The following SERPINA4 variants were observed in gnomAD, a reference collection of about 807,000 sequenced individuals.
SERPINA4 encodes the protein serpin family A member 4, also known as kallistatin.
In SERPINA4, 24 loss-of-function variants were observed where a neutral mutation model predicts 25.4. The ratio of observed to expected loss-of-function variants is 0.95; its 90% confidence interval spans 0.69 to 1.33. SERPINA4 has a LOEUF of 1.33. Ranked by LOEUF, SERPINA4 falls within the 40% of genes most tolerant of loss-of-function variation. SERPINA4 has a pLI of 0.00. For missense variants in SERPINA4, 553 were observed against 535.8 expected (o/e 1.03, Z -0.32); for synonymous variants, 242 against 223.6 (o/e 1.08, Z -0.73).
chr14:94,561,931 C>T (rs1453935441), intron 1 of SERPINA4: 2 of 1,255,118 alleles, frequency 1.6e-6, no homozygotes, highest in African/African-American at 3.1e-5. Context: ...GACTAGGAAG[C>T]TTTCTGCAAG....
chr14:94,562,848 T>C (rs2139899876), intron 1 of SERPINA4, among the ~76,000 whole-genome samples: 1 of 152,294 alleles, frequency 6.6e-6, no homozygotes, highest in Non-Finnish European at 1.5e-5. Flanking sequence ...AGGTCACTTA[T>C]TAAACATCCA....
At position 94,568,123 on chromosome 14, in the gene SERPINA4, T is replaced by C. The variant is rs1205488485; in HGVS notation, c.924-6T>C. 6.2e-7 allele frequency: 1 copy of C among 1,614,036 alleles called. No homozygotes were observed. Among genetic ancestry groups the C allele is most frequent in the Admixed American group, 1.7e-5 (1 of 60,002 alleles). On this transcript the variant is annotated splice_region_variant and splice_polypyrimidine_tract_variant and intron_variant, in intron 3 of 4. Coordinates refer to ENST00000557004, the MANE Select transcript of SERPINA4 (RefSeq NM_006215.4). Reference sequence around the variant, plus strand: ...ATCTAATGTTCTAACTCAATGCCCCTTTCAGGAATTTTTACAAGAAGCTAG... The same window carrying C: ...ATCTAATGTTCTAACTCAATGCCCCCTTCAGGAATTTTTACAAGAAGCTAG...
chr14:94,562,011 T>A (rs1217123405), intron 1 of SERPINA4, among the ~76,000 whole-genome samples: 1 of 152,118 alleles, frequency 6.6e-6, no homozygotes, highest in Non-Finnish European at 1.5e-5. Context: ...GAGCTAAGAA[T>A]GCAAGATGTA....
At chr14:94,566,890 C>T (rs1215553636) in intron 2 of SERPINA4, 80 bp from the exon 3 acceptor site, 5 of 1,494,286 alleles carry the variant, frequency 3.3e-6, no homozygotes, top group Non-Finnish European at 4.5e-6. Context: ...TAGCTCAGAA[C>T]ACCAGATGGC....
In SERPINA4 at chr14:94,566,955, T is replaced by C; in HGVS notation, c.650-15T>C. The C allele has an allele frequency of 1.2e-6, 2 of 1,605,866 alleles. No homozygotes were observed. Among genetic ancestry groups the C allele is most frequent in the Non-Finnish European group, 1.7e-6 (2 of 1,174,972 alleles). ...CCTGCAGATGTCCTGTACCTTCTTT[T>C]CATCTTCCCTTCAGCCCTGTGGGAG... On this transcript the variant is annotated splice_polypyrimidine_tract_variant and intron_variant, in intron 2 of 4. Coordinates refer to ENST00000557004, the MANE Select transcript of SERPINA4 (RefSeq NM_006215.4).
In SERPINA4 at chr14:94,567,236, C is replaced by T. The variant is rs143608450; in HGVS notation, c.916C>T (p.Arg306Trp). 63 of 1,612,678 alleles carry T rather than the reference C, an allele frequency of 3.9e-5. No individual in the cohort carries two copies. The East Asian group carries it at 9.8e-4, about 25-fold the overall frequency. Residue 306 changes from arginine to tryptophan, a missense_variant, in exon 3 of 5, where the codon CGG (arginine) becomes TGG (tryptophan). Arg to Trp is a moderately radical substitution (Grantham distance 101). Coordinates refer to ENST00000557004, the MANE Select transcript of SERPINA4 (RefSeq NM_006215.4). ...EMLMRWNNLLRKRNFYKKLEL... is the reference protein window; with the variant it reads ...EMLMRWNNLLWKRNFYKKLEL... ...GCTAATGAGGTGGAACAACTTGTTG[C>T]GGAAGAGGTAATCAGTGTGCTATGG...
chr14:94,561,858 G>A (rs1464485995), intron 1 of SERPINA4: 1 of 1,289,686 alleles, frequency 7.8e-7, no homozygotes, highest in African/African-American at 1.5e-5. Flanking sequence ...TGTGAGTGAT[G>A]CGGTCCTATG....
At chr14:94,567,309 G>A in intron 3 of SERPINA4, 66 bp downstream of exon 3, 1 of 1,514,378 alleles carries the variant, frequency 6.6e-7, no homozygotes, top group Non-Finnish European at 8.9e-7. Flanking sequence ...TCTAATGAAA[G>A]ACAGTGCCCC....
rs572076201 is a variant in SERPINA4 at position 94,569,882 on chromosome 14, C to A, written c.*287C>A. ...CCTTTTCACAACAGGCTGGTTGTAC[C>A]GAGTAAACAACACGATGCCATGAAG... On this transcript the variant is annotated 3_prime_UTR_variant, in exon 5 of 5. Transcript: ENST00000557004. 1 of 473,750 alleles carries A rather than the reference C, an allele frequency of 2.1e-6. No individual in the cohort carries two copies. The highest frequency in any genetic ancestry group is 3.8e-6 in the Non-Finnish European group (1 of 259,748). The allele number at this position is 473,750 out of a possible 1,614,324, so 29.3% of individuals were successfully genotyped here. A position where few individuals can be genotyped will look rare whatever the true frequency, so the allele number is the denominator to read the frequency against.
chr14:94,563,099 G>T (rs1259889465), intron 1 of SERPINA4, among the ~76,000 whole-genome samples: 1 of 152,220 alleles, frequency 6.6e-6, no homozygotes, highest in Non-Finnish European at 1.5e-5. Flanking sequence ...TGAGTCTGGG[G>T]ATGTGGGTTC....
At chr14:94,562,249 T>C (rs1902051955) in intron 1 of SERPINA4, among the ~76,000 whole-genome samples, 1 of 152,118 alleles carries the variant, frequency 6.6e-6, no homozygotes, top group South Asian at 2.1e-4. Context: ...GCAGAGACTG[T>C]GTGGTCTGCA....
intron 2 of SERPINA4, among the ~76,000 whole-genome samples, chr14:94,566,288 T>C (rs770778998): frequency 1.3e-5 from 2 of 152,362 alleles, no homozygotes; most frequent in Non-Finnish European, 2.9e-5. Context: ...ATGGTCTCAC[T>C]TGATATTTGT....
rs1458918734 is a variant in SERPINA4 at position 94,568,260 on chromosome 14, C to T, written c.1055C>T (p.Thr352Ile). The T allele has an allele frequency of 3.7e-6, 6 of 1,614,188 alleles. No individual in the cohort carries two copies. The South Asian group carries it at 4.4e-5, about 12-fold the overall frequency. Residue 352 changes from threonine to isoleucine, a missense_variant, in exon 4 of 5, where the codon ACC becomes ATC. Physicochemically the swap from Thr to Ile is moderately conservative, Grantham distance 89. Transcript: ENST00000557004. The stretch of plus-strand genomic sequence containing the variant: ...AAGTGGGCTGACTTATCCGGCATCA[C>T]CAAACAGCAAAAACTGGAGGCATCC... ...FSKWADLSGI[T>I]KQQKLEASKS...
At chr14:94,562,902 T>C (rs1177677075) in intron 1 of SERPINA4, among the ~76,000 whole-genome samples, 3 of 152,228 alleles carry the variant, frequency 2.0e-5, no homozygotes, top group Non-Finnish European at 4.4e-5. Flanking sequence ...CCAGTTCTAC[T>C]GACCTCTACA....
At chr14:94,568,064 G>T in intron 3 of SERPINA4, 65 bp from the exon 4 acceptor site, 5 of 1,556,192 alleles carry the variant, frequency 3.2e-6, no homozygotes, top group Non-Finnish European at 3.5e-6. Flanking sequence ...ACCAAGGAGG[G>T]CTCTGCCCAG....
chr14:94,567,347 A>AGAGAGTTCTCAGAGCAAGT, intron 3 of SERPINA4, 104 bp downstream of exon 3: 1 of 1,254,818 alleles, frequency 8.0e-7, no homozygotes, highest in Non-Finnish European at 1.1e-6. Context: ...CCAAATTATG[A>AGAGAGTTCTCAGAGCAAGT]GAGAATTCTC....
intron 4 of SERPINA4, 146 bp from the exon 5 acceptor site, chr14:94,569,249 T>C: frequency 2.8e-6 from 2 of 719,086 alleles, no homozygotes; most frequent in Non-Finnish European, 4.5e-6. Context: ...TCCGCCCAAA[T>C]GAAATTCTTG....
chr14:94,567,092 G>A lies in SERPINA4; in HGVS notation c.772G>A (p.Asp258Asn). 1 of 1,614,228 alleles carries A rather than the reference G, an allele frequency of 6.2e-7. No individual in the cohort carries two copies. The highest frequency in any genetic ancestry group is 1.1e-5 in the South Asian group (1 of 91,082). Residue 258 changes from aspartate to asparagine, a missense_variant, in exon 3 of 5, where the codon GAC (aspartate) becomes AAC (asparagine). Coordinates refer to ENST00000557004, the MANE Select transcript of SERPINA4 (RefSeq NM_006215.4). ...CCAGGAGCATCACTGGTATCTTCAT[G>A]ACAGATACTTGCCCTGCTCGGTGCT... ...QDQEHHWYLH[D>N]RYLPCSVLRM... is the part of the protein sequence containing the mutation.
Position 94,567,063 on chromosome 14 carries a change from A to C in SERPINA4, c.743A>C (p.Gln248Pro), listed in dbSNP as rs753696594. 1 of 1,614,224 alleles carries C rather than the reference A, an allele frequency of 6.2e-7. No individual in the cohort carries two copies. Among genetic ancestry groups the C allele is most frequent in the South Asian group, 1.1e-5 (1 of 91,084 alleles). ...NTTVRVPMML[Q>P]DQEHHWYLHD... ...ACAGTCCGGGTGCCCATGATGCTGC[A>C]GGACCAGGAGCATCACTGGTATCTT... Residue 248 changes from glutamine (Q) to proline (P), a missense_variant, in exon 3 of 5, where the codon CAG (glutamine) becomes CCG (proline). Physicochemically the swap from Gln to Pro is moderately conservative, Grantham distance 76. Transcript: ENST00000557004.
Sources: allele counts gnomAD v4.1 joint callset (sites outside exome capture counted in the v4.1 genomes callset), GRCh38; gene constraint gnomAD v4.1.1; transcripts MANE v1.5; gene names NCBI Gene and HGNC (gene_info 2026-07-23, HGNC 2026-07-21).